The following SLAMF9 variants were observed in gnomAD, a reference collection of about 807,000 sequenced individuals.
The protein encoded by SLAMF9 is CD2 family member 10.
A neutral mutation model predicts 30.4 loss-of-function variants in SLAMF9; 25 were observed. The ratio of observed to expected loss-of-function variants is 0.82; its 90% CI spans 0.60 to 1.15. SLAMF9 has a LOEUF of 1.15. Among genes scored for constraint, SLAMF9 ranks in the 50% most tolerant of loss-of-function variants. The pLI, the probability that SLAMF9 is intolerant of heterozygous loss-of-function variation, is 0.00. For synonymous variants in SLAMF9, 129 were observed against 127.2 expected (o/e 1.01, Z -0.09); for missense variants, 344 against 346.1 (o/e 0.99, Z 0.05).
intron 3 of SLAMF9, 52 bp downstream of exon 3, chr1:159,952,210 C>T: frequency 6.2e-7 from 1 of 1,600,906 alleles, no homozygotes; most frequent in Non-Finnish European, 8.5e-7. Context: ...GAGATGGTGC[C>T]TCTAGGCACT....
intron 3 of SLAMF9, 145 bp downstream of exon 3, chr1:159,952,112 GTCTCC>G: frequency 1.1e-6 from 1 of 936,502 alleles, no homozygotes; most frequent in Non-Finnish European, 1.6e-6. Context: ...AAAACGGAGG[GTCTCC>G]TCTCCAATCC....
the SLAMF9 span, among the ~76,000 whole-genome samples, chr1:159,974,859 C>T: frequency 1.7e-4 from 26 of 152,320 alleles, no homozygotes; most frequent in African/African-American, 6.3e-4. Flanking sequence ...CCTTCTCATT[C>T]CCATTATGAG....
chr1:159,972,932 C>G, the SLAMF9 span: 2 of 1,028,410 alleles, frequency 1.9e-6, no homozygotes, highest in Non-Finnish European at 2.7e-6. Context: ...CTCCTCTCCT[C>G]CCAGGGGGTC....
chr1:159,959,405 C>T, the SLAMF9 span, among the ~76,000 whole-genome samples: 7 of 152,072 alleles, frequency 4.6e-5, no homozygotes, highest in Non-Finnish European at 7.4e-5. Context: ...TCCCCAGAGG[C>T]CTGTCCAAAT....
intron 2 of SLAMF9, among the ~76,000 whole-genome samples, chr1:159,952,826 C>T (rs1651806148): frequency 6.6e-6 from 1 of 152,186 alleles, no homozygotes; most frequent in African/African-American, 2.4e-5. Context: ...TCTCCTTGAT[C>T]CCATGAAATA....
the SLAMF9 span, among the ~76,000 whole-genome samples, chr1:159,977,770 A>G: frequency 6.6e-6 from 1 of 152,180 alleles, no homozygotes; most frequent in East Asian, 1.9e-4. Context: ...AGCCATCTAC[A>G]CCTCAGCCAG....
the SLAMF9 span, among the ~76,000 whole-genome samples, chr1:159,962,386 T>C: frequency 1.6e-4 from 24 of 152,302 alleles, no homozygotes; most frequent in African/African-American, 5.5e-4. Context: ...TTCACGCCTA[T>C]AGTCCCAGCA....
rs765355699 is a variant in SLAMF9 at position 159,953,669 on chromosome 1, AGAG to A, written c.47-19_47-17del. 1.3e-6 allele frequency: 2 copies of A among 1,576,632 alleles called. No homozygotes were observed. The highest frequency in any genetic ancestry group is 2.3e-5 in the South Asian group (2 of 85,244). Reference sequence around the variant, plus strand: ...CTTTGGCTGCCTATGCAGGAAGAAAAGAGAAGCAAACAACCCAGCTGCTGTCTC... The same window carrying A: ...CTTTGGCTGCCTATGCAGGAAGAAAAAAGCAAACAACCCAGCTGCTGTCTC... On this transcript the variant is annotated splice_polypyrimidine_tract_variant and intron_variant, in intron 1 of 3. Transcript: ENST00000368093.
At chr1:159,979,856 TC>T in the SLAMF9 span, among the ~76,000 whole-genome samples, 2 of 152,274 alleles carry the variant, frequency 1.3e-5, no homozygotes, top group Non-Finnish European at 2.9e-5. Flanking sequence ...AGATAGCCCA[TC>T]CTGTTGGAGG....
chr1:159,957,440 A>C (rs1349733225), upstream of SLAMF9, among the ~76,000 whole-genome samples: 3 of 152,144 alleles, frequency 2.0e-5, no homozygotes, highest in Non-Finnish European at 4.4e-5. Flanking sequence ...CCTGGCCAAC[A>C]TGGTGAAATC....
At chr1:159,983,112 C>T in the SLAMF9 span, 1 of 152,192 alleles carries the variant, frequency 6.6e-6, no homozygotes, top group South Asian at 2.1e-4. Context: ...TCATTAGAAC[C>T]CTGGTTAGGC....
In SLAMF9 at chr1:159,951,669, G is replaced by A. The variant is rs370490018; in HGVS notation, c.862C>T (p.Pro288Ser). ...GGGTTCCCAAGGAGCAGTCAGGCAG[G>A]GCTGGAGCCAGGCTTTGCCTCCTTC... ...LRKEAKPGSS[P>S]A Residue 288 changes from proline to serine, a missense_variant, in exon 4 of 4, where the codon CCT becomes TCT. Coordinates refer to ENST00000368093, the MANE Select transcript of SLAMF9 (RefSeq NM_033438.4). 8 of 1,613,884 alleles carry A rather than the reference G, an allele frequency of 5.0e-6. No homozygotes were observed. The African/African-American group carries it at 9.3e-5, about 19-fold the overall frequency.
the SLAMF9 span, among the ~76,000 whole-genome samples, chr1:159,977,887 C>T: frequency 6.6e-6 from 1 of 152,090 alleles, no homozygotes; most frequent in East Asian, 1.9e-4. Context: ...ATCAAAGGCT[C>T]GCCAAACTTT....
At chr1:159,967,564 A>G in the SLAMF9 span, among the ~76,000 whole-genome samples, 1 of 152,172 alleles carries the variant, frequency 6.6e-6, no homozygotes, top group Admixed American at 6.5e-5. Flanking sequence ...ATTTTTGCTC[A>G]AAATTGTTTT....
the SLAMF9 span, among the ~76,000 whole-genome samples, chr1:159,974,365 C>A: frequency 6.6e-6 from 1 of 152,220 alleles, no homozygotes; most frequent in East Asian, 1.9e-4. Flanking sequence ...TTTTCTTCCC[C>A]ATTGACATAT....
intron 2 of SLAMF9, 114 bp downstream of exon 2, chr1:159,953,195 C>T (rs1269701612): frequency 1.2e-6 from 1 of 829,454 alleles, no homozygotes; most frequent in Non-Finnish European, 1.9e-6. Flanking sequence ...GACAGTCTGC[C>T]TCCAGTTCTA....
the SLAMF9 span, among the ~76,000 whole-genome samples, chr1:159,960,184 G>T: frequency 2.1e-5 from 2 of 95,262 alleles, no homozygotes; most frequent in Non-Finnish European, 3.9e-5. Context: ...CCCCACAACA[G>T]TCCCCGGTGT....
chr1:159,965,516 G>A, the SLAMF9 span: 1 of 152,222 alleles, frequency 6.6e-6, no homozygotes, highest in Non-Finnish European at 1.5e-5. Context: ...CCTTCTGTAA[G>A]GTTGCCTGGA....
At chr1:159,982,957 AG>A in the SLAMF9 span, 1 of 152,266 alleles carries the variant, frequency 6.6e-6, no homozygotes, top group Non-Finnish European at 1.5e-5. Context: ...TGAACCCGGG[AG>A]GCAGAGGTTG....
Sources: gnomAD v4.1 joint callset for allele counts (sites outside exome capture counted in the v4.1 genomes callset) on GRCh38, gnomAD v4.1.1 for gene constraint, MANE v1.5 for transcripts, NCBI Gene and HGNC (gene_info 2026-07-23, HGNC 2026-07-21) for gene names.